Variants in KANSL1L observed in about 807,000 individuals in gnomAD.
KANSL1L encodes the protein KAT8 regulatory NSL complex subunit 1 like.
KANSL1L carries 25 observed loss-of-function variants against 108.6 expected under a neutral mutation model. The observed-to-expected ratio is 0.23, with a 90% CI of 0.17 to 0.32. The LOEUF is 0.32. KANSL1L is among the 10% of genes least tolerant of loss of function. The pLI, the probability that KANSL1L is intolerant of heterozygous loss-of-function variation, is 1.00. For missense variants in KANSL1L, 1,137 were observed against 1,125.7 expected, an observed-to-expected ratio of 1.01 and a Z score of -0.14; for synonymous variants, 405 against 395.1, an observed-to-expected ratio of 1.03 and a Z score of -0.30.
intron 5 of KANSL1L, chr2:210,079,918 T>C (rs1281474779): frequency 6.6e-6 from 1 of 151,186 alleles, no homozygotes; most frequent in Non-Finnish European, 1.5e-5. Context: ...AATTAAATAA[T>C]TGAGGATGGG....
intron 1 of KANSL1L, among the ~76,000 whole-genome samples, chr2:210,159,571 T>G (rs1180552519): frequency 6.6e-6 from 1 of 152,218 alleles, no homozygotes; most frequent in Non-Finnish European, 1.5e-5. Context: ...TTATCATGTA[T>G]TTGTTGACTA....
At chr2:210,134,057 CT>C (rs1373183544) in intron 2 of KANSL1L, among the ~76,000 whole-genome samples, 3 of 152,044 alleles carry the variant, frequency 2.0e-5, no homozygotes, top group African/African-American at 4.8e-5. Context: ...TTTAGACTGA[CT>C]TTTTTTCCCC....
chr2:210,128,665 T>C (rs1343504560), intron 3 of KANSL1L, among the ~76,000 whole-genome samples: 1 of 152,156 alleles, frequency 6.6e-6, no homozygotes, highest in African/African-American at 2.4e-5. Flanking sequence ...GTTATGGAGA[T>C]GGATAGCGAC....
chr2:210,086,241 A>T (rs908600529), intron 5 of KANSL1L, among the ~76,000 whole-genome samples: 1 of 152,086 alleles, frequency 6.6e-6, no homozygotes, highest in African/African-American at 2.4e-5. Flanking sequence ...AAGCAAAAAC[A>T]AAACAAACAA....
chr2:210,048,974 T>C (rs554372491), intron 6 of KANSL1L, among the ~76,000 whole-genome samples: 6 of 152,242 alleles, frequency 3.9e-5, no homozygotes, highest in Non-Finnish European at 7.3e-5. Context: ...ATAAATTCTA[T>C]GCAGGCACTC....
intron 5 of KANSL1L, among the ~76,000 whole-genome samples, chr2:210,084,187 C>T (rs535696142): frequency 2.0e-5 from 3 of 151,972 alleles, no homozygotes; most frequent in Non-Finnish European, 2.9e-5. Flanking sequence ...TTTGGGAGGC[C>T]GACACAAGCA....
At chr2:210,102,736 T>A (rs1458637874) in intron 4 of KANSL1L, among the ~76,000 whole-genome samples, 1 of 152,140 alleles carries the variant, frequency 6.6e-6, no homozygotes, top group Admixed American at 6.5e-5. Context: ...TCACTGGCCA[T>A]CAGAGAAATG....
intron 2 of KANSL1L, chr2:210,152,815 G>C (rs1043673078): frequency 6.6e-6 from 1 of 152,168 alleles, no homozygotes; most frequent in African/African-American, 2.4e-5. Flanking sequence ...CCTATGTGCA[G>C]ACTAAAGTTT....
chr2:210,112,950 C>A (rs2094922702), intron 3 of KANSL1L, among the ~76,000 whole-genome samples: 1 of 152,150 alleles, frequency 6.6e-6, no homozygotes, highest in Non-Finnish European at 1.5e-5. Context: ...GCTACCCATC[C>A]CCACACCTAG....
At chr2:210,087,403 T>C (rs979823498) in intron 5 of KANSL1L, among the ~76,000 whole-genome samples, 6 of 152,158 alleles carry the variant, frequency 3.9e-5, no homozygotes, top group Non-Finnish European at 8.8e-5. Context: ...ATGTCATCTA[T>C]CACATTGGTT....
intron 3 of KANSL1L, among the ~76,000 whole-genome samples, chr2:210,114,884 T>G (rs1218117562): frequency 6.6e-6 from 1 of 152,016 alleles, no homozygotes; most frequent in Non-Finnish European, 1.5e-5. Flanking sequence ...ATGTAATAAC[T>G]TTATGAGGTT....
chr2:210,068,167 C>T (rs957759057), intron 6 of KANSL1L, among the ~76,000 whole-genome samples: 2 of 152,138 alleles, frequency 1.3e-5, no homozygotes, highest in African/African-American at 2.4e-5. Flanking sequence ...TGAGCCACCG[C>T]GCCCGGCTGC....
At chr2:210,155,273 A>G (rs1265411953) in intron 1 of KANSL1L, 1 of 152,080 alleles carries the variant, frequency 6.6e-6, no homozygotes, top group African/African-American at 2.4e-5. Flanking sequence ...TTAGCCGGGC[A>G]TGGTGGTGGG....
intron 5 of KANSL1L, among the ~76,000 whole-genome samples, chr2:210,079,642 A>ATATATATATGTATGTG (rs1559539615): frequency 6.8e-3 from 44 of 6,480 alleles, no homozygotes; most frequent in Non-Finnish European, 0.023. Context: ...ATATATATAT[A>ATATATATATGTATGTG]TATATATATA....
At chr2:210,105,096 T>C (rs2094833147) in intron 3 of KANSL1L, among the ~76,000 whole-genome samples, 1 of 152,014 alleles carries the variant, frequency 6.6e-6, no homozygotes, top group African/African-American at 2.4e-5. Context: ...TGTTCTCAAC[T>C]TTAGGTTCCT....
At chr2:210,087,437 A>C (rs1157907384) in intron 5 of KANSL1L, among the ~76,000 whole-genome samples, 2 of 152,154 alleles carry the variant, frequency 1.3e-5, no homozygotes, top group Admixed American at 1.3e-4. Context: ...GTCCAGAGTC[A>C]AATTAGGAAG....
intron 1 of KANSL1L, among the ~76,000 whole-genome samples, chr2:210,165,883 G>C (rs758368887): frequency 3.1e-4 from 47 of 152,166 alleles, no homozygotes; most frequent in African/African-American, 1.1e-3. Context: ...AGTAAGGTAA[G>C]ATATTTTGAG....
intron 3 of KANSL1L, among the ~76,000 whole-genome samples, chr2:210,124,164 G>A (rs1414446924): frequency 6.6e-6 from 1 of 152,028 alleles, no homozygotes; most frequent in African/African-American, 2.4e-5. Flanking sequence ...AGATTTAACA[G>A]ATATCTAAAG....
rs553479918 is a variant in KANSL1L, at chr2:210,022,003, C to CTTTTTTT, written c.*939_*945dup. On this transcript the variant is annotated 3_prime_UTR_variant, in exon 15 of 15. Coordinates refer to ENST00000281772, the MANE Select transcript of KANSL1L (RefSeq NM_152519.4). ...CTTGCTAATCTAGAAATACAATCAT[C>CTTTTTTT]TTTTTTTTTTTTTTCAAATTTTATA... The CTTTTTTT allele has an allele frequency of 2.5e-4, 34 of 134,690 alleles. 2 individuals are homozygous for CTTTTTTT. Among genetic ancestry groups the CTTTTTTT allele is most frequent in the African/African-American group, 9.3e-4 (34 of 36,692 alleles). The allele number at this position is 134,690 out of a possible 1,614,324, so 8.3% of individuals were successfully genotyped here.
Sources: gnomAD v4.1 joint callset for allele counts (sites outside exome capture counted in the v4.1 genomes callset) on GRCh38, gnomAD v4.1.1 for gene constraint, MANE v1.5 for transcripts, NCBI Gene and HGNC (gene_info 2026-07-23, HGNC 2026-07-21) for gene names.